The following NDUFAF6 variants were observed in gnomAD, a reference collection of about 807,000 sequenced individuals.
NDUFAF6 encodes the protein NADH:ubiquinone oxidoreductase complex assembly factor 6.
In NDUFAF6, 45 loss-of-function variants were observed where a neutral mutation model predicts 40.8. The observed-to-expected ratio is 1.10, with a 90% CI of 0.87 to 1.42. The LOEUF (loss-of-function observed/expected upper bound fraction) is 1.42, where lower values mean the gene tolerates loss of function less well. NDUFAF6 is among the 40% of genes most tolerant of loss of function. The pLI, the probability that NDUFAF6 is intolerant of heterozygous loss-of-function variation, is 0.00. For synonymous variants in NDUFAF6, 185 were observed against 155.9 expected (o/e 1.19, Z -1.39); for missense variants, 435 against 418.5 (o/e 1.04, Z -0.34).
At chr8:94,959,224 A>T (rs897828124) in intron 1 of NDUFAF6, among the ~76,000 whole-genome samples, 3 of 152,188 alleles carry the variant, frequency 2.0e-5, no homozygotes, top group Admixed American at 1.3e-4. Flanking sequence ...CTCCAGTCCA[A>T]CCAAGCTGCA....
chr8:95,035,609 A>G (rs1435809713), intron 3 of NDUFAF6, 33 bp downstream of exon 3: 8 of 1,590,476 alleles, frequency 5.0e-6, no homozygotes, highest in Non-Finnish European at 6.0e-6. Flanking sequence ...TTTAATTTGT[A>G]TGAATATTAT....
intron 2 of NDUFAF6, among the ~76,000 whole-genome samples, chr8:95,088,914 A>G (rs62524762): frequency 0.22 from 32,044 of 148,672 alleles, 3,679 homozygotes; most frequent in African/African-American, 0.31. Context: ...GTGCACCACT[A>G]CTGCCTGGCT....
chr8:94,977,521 C>CT (rs1474295776), intron 1 of NDUFAF6, among the ~76,000 whole-genome samples: 9 of 127,608 alleles, frequency 7.1e-5, no homozygotes, highest in African/African-American at 2.6e-4. Flanking sequence ...GACCCTGTCT[C>CT]TAAAAAAAAA....
intron 1 of NDUFAF6, among the ~76,000 whole-genome samples, chr8:95,028,164 GTCTC>G (rs1272922451): frequency 6.6e-6 from 1 of 152,184 alleles, no homozygotes; most frequent in Non-Finnish European, 1.5e-5. Context: ...TTATATGTCT[GTCTC>G]TCTCAACTCA....
chr8:94,905,742 C>T (rs1818353224), intron 1 of NDUFAF6, among the ~76,000 whole-genome samples: 1 of 152,172 alleles, frequency 6.6e-6, no homozygotes, highest in Non-Finnish European at 1.5e-5. Flanking sequence ...TAGTGGTTCT[C>T]ATCCAGGGTG....
At chr8:94,922,707 G>C (rs1819587543) in intron 1 of NDUFAF6, among the ~76,000 whole-genome samples, 1 of 151,828 alleles carries the variant, frequency 6.6e-6, no homozygotes, top group South Asian at 2.1e-4. Flanking sequence ...TCGAACTCCT[G>C]ACCTCAGGTG....
At chr8:94,952,833 T>G (rs913500562) in intron 2 of NDUFAF6, among the ~76,000 whole-genome samples, 1 of 152,106 alleles carries the variant, frequency 6.6e-6, no homozygotes. Flanking sequence ...ATAAAAAGGG[T>G]CTGTGTGCTG....
intron 2 of NDUFAF6, among the ~76,000 whole-genome samples, chr8:94,981,282 G>A (rs1316743041): frequency 2.5e-4 from 38 of 152,180 alleles, no homozygotes; most frequent in Non-Finnish European, 1.5e-4. Context: ...CCACTTTTCT[G>A]CCACAGTATA....
intron 1 of NDUFAF6, chr8:94,927,892 A>G (rs546799100): frequency 7.2e-6 from 1 of 138,242 alleles, no homozygotes; most frequent in East Asian, 2.2e-4. Context: ...CGCATTGTAA[A>G]CCACTAATAT....
At chr8:94,944,920 T>A (rs1821858259) in intron 1 of NDUFAF6, among the ~76,000 whole-genome samples, 1 of 152,196 alleles carries the variant, frequency 6.6e-6, no homozygotes, top group Admixed American at 6.5e-5. Flanking sequence ...CCAAATTCCT[T>A]TGGCCCTGCT....
intron 1 of NDUFAF6, among the ~76,000 whole-genome samples, chr8:94,920,167 A>G (rs993881493): frequency 3.9e-5 from 6 of 152,246 alleles, no homozygotes; most frequent in Admixed American, 1.3e-4. Flanking sequence ...ATATCTATAC[A>G]TATAGTGATA....
intron 1 of NDUFAF6, among the ~76,000 whole-genome samples, chr8:94,967,037 A>G (rs1824065547): frequency 6.6e-6 from 1 of 152,200 alleles, no homozygotes; most frequent in Non-Finnish European, 1.5e-5. Context: ...TGGAAATTGG[A>G]TAGACCATTG....
At chr8:94,911,602 A>G (rs540861093) in intron 1 of NDUFAF6, among the ~76,000 whole-genome samples, 8 of 152,346 alleles carry the variant, frequency 5.3e-5, no homozygotes, top group African/African-American at 1.9e-4. Flanking sequence ...ATCCTTTTAG[A>G]GACAAAGTAA....
At chr8:94,912,579 G>A (rs886874623) in intron 1 of NDUFAF6, among the ~76,000 whole-genome samples, 5 of 151,848 alleles carry the variant, frequency 3.3e-5, no homozygotes, top group South Asian at 2.1e-4. Flanking sequence ...GGCAGATCAC[G>A]AGGTCAAGTG....
At chr8:95,109,454 T>C (rs187165899) in intron 4 of NDUFAF6, among the ~76,000 whole-genome samples, 2 of 152,366 alleles carry the variant, frequency 1.3e-5, no homozygotes, top group Non-Finnish European at 2.9e-5. Flanking sequence ...GCAGGCTGTT[T>C]ATCCATTGGA....
chr8:95,093,032 A>C (rs1030036549), intron 2 of NDUFAF6, among the ~76,000 whole-genome samples: 1 of 147,780 alleles, frequency 6.8e-6, no homozygotes, highest in Non-Finnish European at 1.5e-5. Flanking sequence ...ACATATGCCG[A>C]GTTCCCTGAG....
chr8:95,085,685 T>TAAAAAG, intron 2 of NDUFAF6: 1 of 148,728 alleles, frequency 6.7e-6, no homozygotes, highest in African/African-American at 2.5e-5. Flanking sequence ...AAAAAAAAAT[T>TAAAAAG]TTAAGAGATA....
chr8:95,086,977 G>A (rs1220447551), intron 2 of NDUFAF6, among the ~76,000 whole-genome samples: 2 of 152,044 alleles, frequency 1.3e-5, no homozygotes, highest in Admixed American at 1.3e-4. Flanking sequence ...GGGGTGATGG[G>A]CACTGTCATC....
chr8:95,061,420 TAAAAC>T (rs1832568980), downstream of NDUFAF6, among the ~76,000 whole-genome samples: 2 of 152,160 alleles, frequency 1.3e-5, no homozygotes, highest in East Asian at 3.9e-4. Context: ...TTACTGAAAA[TAAAAC>T]AAAACATCCT....
Sources: gnomAD v4.1 joint callset for allele counts (sites outside exome capture counted in the v4.1 genomes callset) on GRCh38, gnomAD v4.1.1 for gene constraint, MANE v1.5 for transcripts, NCBI Gene and HGNC (gene_info 2026-07-23, HGNC 2026-07-21) for gene names.